The following MAMLD1 variants were observed in gnomAD, a reference collection of about 807,000 sequenced individuals.
MAMLD1 encodes mastermind like domain containing 1.
A neutral mutation model predicts 45.0 loss-of-function variants in MAMLD1; 14 were observed. The observed-to-expected ratio is 0.31, with a 90% CI of 0.21 to 0.49. The LOEUF is 0.49. Among genes scored for constraint, MAMLD1 ranks in the 20% least tolerant of loss-of-function variants. The probability of loss-of-function intolerance (pLI) is 0.99; values close to 1 mark genes in which losing one functional copy is unlikely to be tolerated. For missense variants in MAMLD1, 543 were observed against 603.6 expected, an observed-to-expected ratio of 0.90 and a Z score of 1.05; for synonymous variants, 254 against 247.8, an observed-to-expected ratio of 1.02 and a Z score of -0.24.
chrX:150,488,305 C>T (rs1482279255), intron 5 of MAMLD1, among the ~76,000 whole-genome samples: 1 of 112,486 alleles, frequency 8.9e-6, no homozygotes, highest in East Asian at 2.8e-4. Context: ...TCAGCAGGGC[C>T]TGGAGAGCTA....
chrX:150,473,825 G>T (rs1410222064), intron 5 of MAMLD1, 23 bp downstream of exon 5: 2 of 1,202,481 alleles, frequency 1.7e-6, no homozygotes, highest in Non-Finnish European at 2.3e-6. Context: ...GTTTTGTTTT[G>T]TCTTCAATTG....
chrX:150,388,788 C>G (rs1442240504), intron 1 of MAMLD1, among the ~76,000 whole-genome samples: 1 of 111,582 alleles, frequency 9.0e-6, no homozygotes, highest in African/African-American at 3.3e-5. Flanking sequence ...CATTGATTTT[C>G]TCTTGCTTTT....
intron 1 of MAMLD1, among the ~76,000 whole-genome samples, chrX:150,409,111 A>G (rs1188105948): frequency 2.7e-5 from 3 of 111,480 alleles, no homozygotes; most frequent in African/African-American, 6.5e-5. Flanking sequence ...GAGTTGTTCC[A>G]TGGAGACTTT....
intron 1 of MAMLD1, among the ~76,000 whole-genome samples, chrX:150,403,598 C>A: frequency 9.0e-6 from 1 of 110,796 alleles, no homozygotes; most frequent in East Asian, 2.8e-4. Flanking sequence ...CAGTGGGCAG[C>A]ACAGACAGCC....
chrX:150,391,997 G>A (rs942171744), intron 1 of MAMLD1, among the ~76,000 whole-genome samples: 8 of 111,662 alleles, frequency 7.2e-5, no homozygotes, highest in African/African-American at 2.3e-4. Context: ...CTTACCCTGG[G>A]CCCTGCTGGG....
At position 150,510,020 on chromosome X, in the gene MAMLD1, T is replaced by A; in HGVS notation, c.*18T>A. The stretch of plus-strand genomic sequence containing the variant: ...ACCCCTGAACGGCAGAATGCATATA[T>A]CTCCCAACAGATGAGTCCATTTGAA... On this transcript the variant is annotated 3_prime_UTR_variant, in exon 7 of 8. Coordinates refer to ENST00000370401, the MANE Select transcript of MAMLD1 (RefSeq NM_005491.5). The A allele has an allele frequency of 8.3e-7, 1 of 1,205,228 alleles. No individual in the cohort carries two copies. The highest frequency in any genetic ancestry group is 1.1e-6 in the Non-Finnish European group (1 of 889,564).
At chrX:150,361,850 C>T (rs1557400473), upstream of MAMLD1, among the ~76,000 whole-genome samples, 1 of 112,713 alleles carries the variant, frequency 8.9e-6, no homozygotes, top group African/African-American at 3.2e-5. Flanking sequence ...CCCAAGGAAC[C>T]TATGTTCCTG....
At chrX:150,383,579 G>C (rs1454414662) in intron 1 of MAMLD1, among the ~76,000 whole-genome samples, 1 of 111,059 alleles carries the variant, frequency 9.0e-6, no homozygotes, top group Non-Finnish European at 1.9e-5. Context: ...AGTTGTAAAT[G>C]GTATGTGTTC....
chrX:150,445,331 G>A, intron 1 of MAMLD1, 123 bp from the exon 2 acceptor site: 1 of 452,016 alleles, frequency 2.2e-6, no homozygotes, highest in Middle Eastern at 5.8e-4. Context: ...GTGGGTGGGA[G>A]GAAGGGAAAA....
chrX:150,425,986 A>G (rs2034690678), intron 1 of MAMLD1, among the ~76,000 whole-genome samples: 1 of 111,851 alleles, frequency 8.9e-6, no homozygotes, highest in African/African-American at 3.3e-5. Flanking sequence ...CCTAAAGTTT[A>G]AACAGCTTTC....
chrX:150,462,890 T>TG (rs782403897), intron 3 of MAMLD1, 44 bp downstream of exon 3: 1 of 1,053,349 alleles, frequency 9.5e-7, no homozygotes, highest in South Asian at 1.9e-5. Flanking sequence ...CACTTTACAG[T>TG]GGGGAAACTG....
chrX:150,441,041 T>TA (rs1157276614), intron 1 of MAMLD1, among the ~76,000 whole-genome samples: 4 of 104,552 alleles, frequency 3.8e-5, no homozygotes, highest in Middle Eastern at 5.1e-3. Flanking sequence ...TTAATAATAA[T>TA]AAAAATATTA....
At chrX:150,409,321 T>C (rs2034069416) in intron 1 of MAMLD1, among the ~76,000 whole-genome samples, 1 of 111,140 alleles carries the variant, frequency 9.0e-6, no homozygotes, top group African/African-American at 3.3e-5. Flanking sequence ...TAAGACCCCA[T>C]TCAATTGAAT....
rs190645569 is a variant in MAMLD1 at position 150,486,018 on chromosome X, A to G, written c.2040+12216A>G. On this transcript the variant is annotated intron_variant, in intron 5 of 7. Transcript: ENST00000370401. ...ATCAGTTGGGATGTTTTCAGTCCCAATTAGCAGACAGCGCAGTTCACACTG... is the reference window on the plus strand; with the variant it reads ...ATCAGTTGGGATGTTTTCAGTCCCAGTTAGCAGACAGCGCAGTTCACACTG... 8.0e-5 allele frequency among the ~76,000 whole-genome samples: 9 copies of G among 112,194 alleles called. No individual in the cohort carries two copies. In the East Asian group the frequency reaches 8.4e-4, roughly 10 times the overall value.
At chrX:150,429,798 A>G (rs1179143539) in intron 1 of MAMLD1, among the ~76,000 whole-genome samples, 1 of 110,031 alleles carries the variant, frequency 9.1e-6, no homozygotes, top group Non-Finnish European at 1.9e-5. Context: ...CAGTTTCTCC[A>G]CTTCCTCACC....
chrX:150,491,997 C>G (rs1040613452), intron 5 of MAMLD1, among the ~76,000 whole-genome samples: 1 of 112,592 alleles, frequency 8.9e-6, no homozygotes, highest in Non-Finnish European at 1.9e-5. Context: ...TGGCCAGCTG[C>G]CCAAGATTGC....
At chrX:150,496,957 G>A (rs1394945832) in intron 5 of MAMLD1, among the ~76,000 whole-genome samples, 6 of 112,682 alleles carry the variant, frequency 5.3e-5, no homozygotes, top group African/African-American at 1.6e-4. Flanking sequence ...CCTTGTCAAA[G>A]TAGCAATTTA....
At chrX:150,418,374 C>A (rs2034343219) in intron 1 of MAMLD1, among the ~76,000 whole-genome samples, 1 of 109,716 alleles carries the variant, frequency 9.1e-6, no homozygotes, top group Non-Finnish European at 1.9e-5. Flanking sequence ...TTTTGTTGAT[C>A]CTTTCAGAAA....
chrX:150,393,867 G>A (rs782677852), intron 1 of MAMLD1, among the ~76,000 whole-genome samples: 1 of 111,281 alleles, frequency 9.0e-6, no homozygotes, highest in African/African-American at 3.3e-5. Flanking sequence ...TTTTGTAAAT[G>A]TTTTCTCCCA....
Sources: gnomAD v4.1 joint callset for allele counts (sites outside exome capture counted in the v4.1 genomes callset) on GRCh38, gnomAD v4.1.1 for gene constraint, MANE v1.5 for transcripts, NCBI Gene and HGNC (gene_info 2026-07-23, HGNC 2026-07-21) for gene names.